GTF2H2C: variants seen among roughly 807,000 people sequenced by gnomAD.
The protein encoded by GTF2H2C is GTF2H2 family member C.
A neutral mutation model predicts 24.8 loss-of-function variants in GTF2H2C; 5 were observed. The observed-to-expected ratio is 0.20, with a 90% CI of 0.11 to 0.42. GTF2H2C has a LOEUF of 0.42. Ranked by LOEUF, GTF2H2C falls within the 20% of genes least tolerant of loss-of-function variation. The pLI, the probability that GTF2H2C is intolerant of heterozygous loss-of-function variation, is 1.00. For synonymous variants in GTF2H2C, 14 were observed against 52.6 expected (o/e 0.27, Z 3.18); for missense variants, 45 against 169.8 (o/e 0.27, Z 4.08).
chr5:69,563,862 C>T (rs1221336462), intron 2 of GTF2H2C, among the ~76,000 whole-genome samples: 1 of 151,850 alleles, frequency 6.6e-6, no homozygotes, highest in Non-Finnish European at 1.5e-5. Flanking sequence ...AACCTCTCTG[C>T]CTTCCGGGTT....
chr5:69,573,560 G>A (rs1232495119), intron 9 of GTF2H2C, among the ~76,000 whole-genome samples: 2 of 11,890 alleles, frequency 1.7e-4, no homozygotes, highest in African/African-American at 6.8e-4. Flanking sequence ...ATGTAATAGA[G>A]GTAAGTACAG....
chr5:69,574,998 A>G (rs1409140049), intron 9 of GTF2H2C, among the ~76,000 whole-genome samples: 1 of 11,602 alleles, frequency 8.6e-5, no homozygotes, highest in African/African-American at 2.0e-4. Context: ...GAGCACCTGT[A>G]TGTAGTCCCT....
chr5:69,573,143 T>TACAC (rs754356211), intron 9 of GTF2H2C, among the ~76,000 whole-genome samples: 6,644 of 90,300 alleles, frequency 0.074, 252 homozygotes, highest in Admixed American at 0.13. Flanking sequence ...ATCTATTATA[T>TACAC]ATACACACAC....
intron 2 of GTF2H2C, among the ~76,000 whole-genome samples, chr5:69,563,153 G>C (rs1770488863): frequency 1.3e-5 from 2 of 149,844 alleles, no homozygotes; most frequent in Admixed American, 6.7e-5. Flanking sequence ...GTGATCACCT[G>C]CTTTAGTCTC....
intron 9 of GTF2H2C, among the ~76,000 whole-genome samples, chr5:69,573,273 C>T (rs1771189771): frequency 1.6e-5 from 2 of 128,258 alleles, no homozygotes; most frequent in Admixed American, 8.2e-5. Context: ...ACAACCTCCA[C>T]CTCTGGGTTC....
intron 15 of GTF2H2C, among the ~76,000 whole-genome samples, chr5:69,590,103 A>G (rs1452227814): frequency 6.6e-6 from 1 of 150,512 alleles, no homozygotes; most frequent in Non-Finnish European, 1.5e-5. Flanking sequence ...CAGGCTGGTC[A>G]CGAACTCCTG....
At chr5:69,565,013 TTA>T in intron 2 of GTF2H2C, 85 bp from the exon 3 acceptor site, 1 of 1,040,708 alleles carries the variant, frequency 9.6e-7, no homozygotes, top group Non-Finnish European at 1.4e-6. Context: ...TTTTTTTACT[TTA>T]TATATGTGTC....
In GTF2H2C at chr5:69,590,323, T is replaced by A; in HGVS notation, c.1029-5T>A. On this transcript the variant is annotated splice_polypyrimidine_tract_variant and splice_region_variant and intron_variant, in intron 15 of 16. Transcript: ENST00000380729. ...AGAAAAAACATTGTTAAACTTTTTT[T>A]TCAGATTTTGTTATGGATGTCAGGG... The A allele has an allele frequency of 1.5e-5, 3 of 203,736 alleles. No homozygotes were observed. Among genetic ancestry groups the A allele is most frequent in the Non-Finnish European group, 8.9e-6 (1 of 112,332 alleles). 12.6% of individuals were successfully genotyped at this position (203,736 alleles called of 1,614,324 possible).
At chr5:69,562,298 G>A (rs1229370657) in intron 1 of GTF2H2C, among the ~76,000 whole-genome samples, 1 of 151,906 alleles carries the variant, frequency 6.6e-6, no homozygotes, top group Non-Finnish European at 1.5e-5. Context: ...AGCCTGGGTG[G>A]TGAGTGAAAC....
chr5:69,566,841 T>C (rs1260581116), intron 5 of GTF2H2C, 126 bp from the exon 6 acceptor site: 1 of 142,288 alleles, frequency 7.0e-6, no homozygotes, highest in Non-Finnish European at 1.2e-5. Context: ...CCCAGCACTT[T>C]GGGAGGCCAA....
chr5:69,587,534 AG>A (rs1382904059), intron 15 of GTF2H2C, among the ~76,000 whole-genome samples: 2 of 51,856 alleles, frequency 3.9e-5, no homozygotes, highest in African/African-American at 2.1e-4. Context: ...CAGGAGGCTG[AG>A]GCAGGAGAAT....
At chr5:69,565,432 T>TC in intron 3 of GTF2H2C, 1 of 124,214 alleles carries the variant, frequency 8.1e-6, no homozygotes, top group East Asian at 2.2e-4. Context: ...TTAATTTAAT[T>TC]CCACCTGTGG....
chr5:69,569,664 T>C lies in GTF2H2C; in HGVS notation c.364+1457T>C, dbSNP rs1236837824. The C allele has an allele frequency of 6.5e-5, 5 of 76,702 alleles. 1 individual carries two copies. Among genetic ancestry groups the C allele is most frequent in the African/African-American group, 1.5e-4 (5 of 33,186 alleles). 4.8% of individuals were successfully genotyped at this position (76,702 alleles called of 1,614,324 possible). On this transcript the variant is annotated intron_variant, in intron 8 of 16. Coordinates refer to ENST00000380729, the MANE Select transcript of GTF2H2C (RefSeq NM_001376000.2). ...TTCCTCTCACTTTACCCACCCCGAG[T>C]TACCAGCAGTTTTCTATTGCTTCTT...
chr5:69,566,400 A>C, intron 4 of GTF2H2C, 189 bp from the exon 5 acceptor site: 1 of 1,148,466 alleles, frequency 8.7e-7, no homozygotes, highest in South Asian at 1.6e-5. Flanking sequence ...ACTGTCTACA[A>C]TACCTATAAT....
At position 69,593,885 on chromosome 5, in the gene GTF2H2C, G is replaced by A. The variant is rs1772065505; in HGVS notation, c.*1687G>A. On this transcript the variant is annotated 3_prime_UTR_variant, in exon 17 of 17. Coordinates refer to ENST00000380729, the MANE Select transcript of GTF2H2C (RefSeq NM_001376000.2). The stretch of plus-strand genomic sequence containing the variant: ...CAGGAGGCGGAGCTTGCAGTGAACC[G>A]AGATCGCTCCACTGCACTCCAGCCT... 6.3e-5 allele frequency: 1 copy of A among 15,812 alleles called. No individual in the cohort carries two copies. The highest frequency in any genetic ancestry group is 1.1e-4 in the Non-Finnish European group (1 of 9,282). 1.0% of individuals were successfully genotyped at this position (15,812 alleles called of 1,614,324 possible).
intron 4 of GTF2H2C, 161 bp from the exon 5 acceptor site, chr5:69,566,428 A>G: frequency 7.5e-7 from 1 of 1,332,430 alleles, no homozygotes; most frequent in Non-Finnish European, 1.0e-6. Context: ...ATTGTATTCC[A>G]TAAGTTAATT....
chr5:69,560,724 G>A (rs1770262996), intron 1 of GTF2H2C: 2 of 151,682 alleles, frequency 1.3e-5, no homozygotes, highest in South Asian at 4.2e-4. Context: ...AACGTGGATT[G>A]TTTGGGGTTG....
intron 8 of GTF2H2C, chr5:69,568,491 C>CT (rs1156422359): frequency 0.38 from 38,186 of 100,516 alleles, 5,616 homozygotes; most frequent in East Asian, 0.45. Flanking sequence ...TTTTTCTTTC[C>CT]TTTTTTTTTT....
chr5:69,568,357 C>T (rs1253888848), intron 8 of GTF2H2C, 150 bp downstream of exon 8: 7 of 511,334 alleles, frequency 1.4e-5, no homozygotes, highest in Admixed American at 3.7e-5. Context: ...TCTCCCCCAC[C>T]ATTATATTCT....
Sources: gnomAD v4.1 joint callset for allele counts (sites outside exome capture counted in the v4.1 genomes callset) on GRCh38, gnomAD v4.1.1 for gene constraint, MANE v1.5 for transcripts, NCBI Gene and HGNC (gene_info 2026-07-23, HGNC 2026-07-21) for gene names.